EPM2A: variants seen among roughly 807,000 people sequenced by gnomAD.
The protein encoded by EPM2A is laforin.
Under a neutral mutation model 26.5 loss-of-function variants are expected in EPM2A, and 21 were observed. The ratio of observed to expected loss-of-function variants is 0.79; its 90% CI spans 0.56 to 1.14. EPM2A has a LOEUF of 1.14. EPM2A is among the 50% of genes most tolerant of loss of function. The probability of loss-of-function intolerance (pLI) is 0.00; values close to 1 mark genes in which losing one functional copy is unlikely to be tolerated. For synonymous variants in EPM2A, 217 were observed against 177.6 expected (o/e 1.22, Z -1.76); for missense variants, 458 against 440.8 (o/e 1.04, Z -0.35).
chr6:145,532,676 A>G (rs1168400757), intron 2 of EPM2A, among the ~76,000 whole-genome samples: 1 of 152,158 alleles, frequency 6.6e-6, no homozygotes, highest in Non-Finnish European at 1.5e-5. Context: ...TGACAAGCAT[A>G]ATATCTGTGT....
intron 3 of EPM2A, among the ~76,000 whole-genome samples, chr6:145,632,657 A>G (rs1367564676): frequency 6.6e-6 from 1 of 152,252 alleles, no homozygotes; most frequent in Non-Finnish European, 1.5e-5. Flanking sequence ...CAAGCCTAAC[A>G]AACTGTCTTC....
chr6:145,509,776 G>A (rs1780028596), intron 2 of EPM2A, among the ~76,000 whole-genome samples: 3 of 152,004 alleles, frequency 2.0e-5, no homozygotes, highest in African/African-American at 7.2e-5. Flanking sequence ...CCACATAAAA[G>A]ACACACACTG....
chr6:145,490,196 C>G, intron 4 of EPM2A: 1 of 1,058,868 alleles, frequency 9.4e-7, no homozygotes, highest in Non-Finnish European at 1.4e-6. Context: ...AATAGTGTCA[C>G]TGAGATGCCT....
chr6:145,483,711 A>G (rs963584939), intron 4 of EPM2A, among the ~76,000 whole-genome samples: 2 of 152,172 alleles, frequency 1.3e-5, no homozygotes, highest in African/African-American at 4.8e-5. Flanking sequence ...GCCCAAGCAC[A>G]TAATTCCACA....
intron 2 of EPM2A, among the ~76,000 whole-genome samples, chr6:145,538,466 A>C (rs367643): frequency 0.44 from 67,395 of 151,600 alleles, 14,935 homozygotes; most frequent in South Asian, 0.58. Flanking sequence ...TCTCCATCCA[A>C]TCTCTCCCTC....
At chr6:145,735,689 C>G (rs559014925), upstream of EPM2A, 5 of 1,055,028 alleles carry the variant, frequency 4.7e-6, no homozygotes, top group Admixed American at 2.1e-4. Context: ...TCCAGGCCGG[C>G]GGGAAGGGGT....
chr6:145,435,409 TTATATATATATA>T, intron 4 of EPM2A, among the ~76,000 whole-genome samples: 1 of 126,574 alleles, frequency 7.9e-6, no homozygotes, highest in East Asian at 2.3e-4. Context: ...AGTGAAGAAT[TTATATATATATA>T]TATATATATA....
chr6:145,698,301 T>G (rs1781727584), intron 1 of EPM2A, among the ~76,000 whole-genome samples: 1 of 152,202 alleles, frequency 6.6e-6, no homozygotes, highest in Admixed American at 6.5e-5. Context: ...GACAGTTGTT[T>G]AGCAGTCCAG....
At chr6:145,595,991 T>C (rs921386223) in intron 2 of EPM2A, among the ~76,000 whole-genome samples, 1 of 152,158 alleles carries the variant, frequency 6.6e-6, no homozygotes, top group Admixed American at 6.6e-5. Flanking sequence ...TAAAAATAGA[T>C]GTTAGTAACA....
intron 2 of EPM2A, among the ~76,000 whole-genome samples, chr6:145,560,683 G>A (rs1187241818): frequency 6.6e-6 from 1 of 152,056 alleles, no homozygotes; most frequent in East Asian, 1.9e-4. Context: ...CCATCTCCAA[G>A]TAACTTTAGT....
chr6:145,401,719 G>A (rs1055139029), intron 4 of EPM2A, among the ~76,000 whole-genome samples: 2 of 152,056 alleles, frequency 1.3e-5, no homozygotes, highest in African/African-American at 4.8e-5. Context: ...TCATGCCTAA[G>A]GGCTATCAAT....
chr6:145,647,621 C>T (rs1048702215), intron 2 of EPM2A, among the ~76,000 whole-genome samples: 2 of 151,520 alleles, frequency 1.3e-5, no homozygotes, highest in African/African-American at 2.4e-5. Flanking sequence ...ACAGTACCCA[C>T]GGCACTTAAC....
At chr6:145,588,251 A>G (rs1781223837) in intron 2 of EPM2A, among the ~76,000 whole-genome samples, 1 of 152,190 alleles carries the variant, frequency 6.6e-6, no homozygotes, top group Non-Finnish European at 1.5e-5. Context: ...TTAATATTGG[A>G]AAGAACCTAA....
intron 1 of EPM2A, among the ~76,000 whole-genome samples, chr6:145,686,681 A>G (rs778170470): frequency 5.3e-5 from 8 of 152,178 alleles, no homozygotes; most frequent in Non-Finnish European, 1.0e-4. Context: ...TGGTATGCAA[A>G]TTTACGAATA....
At position 145,627,629 on chromosome 6, in the gene EPM2A, G is replaced by A. The variant is rs375918261; in HGVS notation, c.783C>T (p.Ile261=). ...CCCCAGCGTTGCAGTGCACGTACAC[G>A]ATGTGTCCCTTCTCCAGCAGCGCAT... ...LLHALLEKGH[I]VYVHCNAGVG... Residue 261 remains isoleucine, a synonymous_variant, in exon 4 of 4, where the codon ATC becomes ATT. Transcript: ENST00000367519. 28 of 1,614,034 alleles carry A rather than the reference G, an allele frequency of 1.7e-5. No individual in the cohort carries two copies. The highest frequency in any genetic ancestry group is 4.0e-5 in the African/African-American group (3 of 74,928).
intron 2 of EPM2A, among the ~76,000 whole-genome samples, chr6:145,557,717 CAT>C (rs1439523063): frequency 6.6e-6 from 1 of 152,092 alleles, no homozygotes; most frequent in Admixed American, 6.6e-5. Flanking sequence ...TGTATAACCT[CAT>C]ATACTTATTT....
intron 2 of EPM2A, among the ~76,000 whole-genome samples, chr6:145,538,860 T>C (rs1450997529): frequency 6.6e-6 from 1 of 152,194 alleles, no homozygotes; most frequent in Non-Finnish European, 1.5e-5. Flanking sequence ...TTATTTCCAT[T>C]TCACAGATGA....
At chr6:145,524,788 T>C (rs1780248626) in intron 2 of EPM2A, among the ~76,000 whole-genome samples, 1 of 152,238 alleles carries the variant, frequency 6.6e-6, no homozygotes, top group East Asian at 1.9e-4. Flanking sequence ...CACTACTTGC[T>C]GACTTTAGTT....
intron 1 of EPM2A, among the ~76,000 whole-genome samples, chr6:145,716,723 C>G (rs1025587993): frequency 6.6e-6 from 1 of 152,046 alleles, no homozygotes; most frequent in African/African-American, 2.4e-5. Context: ...ACCCAGGGAG[C>G]CCCACCACAA....
Sources: gnomAD v4.1 joint callset for allele counts (sites outside exome capture counted in the v4.1 genomes callset) on GRCh38, gnomAD v4.1.1 for gene constraint, MANE v1.5 for transcripts, NCBI Gene and HGNC (gene_info 2026-07-23, HGNC 2026-07-21) for gene names.